Variants in ABHD18 observed in about 807,000 individuals in gnomAD.
The protein encoded by ABHD18 is cardiolipin-specific deacylase, mitochondrial.
Under a neutral mutation model 65.9 loss-of-function variants are expected in ABHD18, and 55 were observed. That is an observed-to-expected ratio of 0.84 (90% CI 0.67 to 1.05). ABHD18 has a LOEUF of 1.05. ABHD18 is among the 50% of genes least tolerant of loss of function. The pLI is 0.00. For missense variants in ABHD18, 533 were observed against 558.5 expected, an observed-to-expected ratio of 0.95 and a Z score of 0.46; for synonymous variants, 181 against 180.2, an observed-to-expected ratio of 1.00 and a Z score of -0.04.
chr4:128,030,921 C>A, intron 12 of ABHD18: 1 of 1,162,402 alleles, frequency 8.6e-7, no homozygotes, highest in East Asian at 4.4e-5. Context: ...TTCCCCTCTT[C>A]AAATATTAAT....
At chr4:127,966,840 A>C (rs1199691383) in intron 1 of ABHD18, among the ~76,000 whole-genome samples, 1 of 147,662 alleles carries the variant, frequency 6.8e-6, no homozygotes, top group Non-Finnish European at 1.5e-5. Flanking sequence ...AGCCGAGATC[A>C]CGCCACTGCA....
At chr4:127,984,221 T>C (rs1236616811) in intron 2 of ABHD18, 118 bp from the exon 3 acceptor site, 5 of 531,588 alleles carry the variant, frequency 9.4e-6, no homozygotes, top group South Asian at 3.9e-5. Flanking sequence ...AATTTTAATA[T>C]GGCTTATGAA....
intron 8 of ABHD18, 25 bp downstream of exon 8, chr4:128,017,526 A>G (rs374899149): frequency 6.4e-7 from 1 of 1,568,872 alleles, no homozygotes; most frequent in Non-Finnish European, 8.6e-7. Context: ...TTCTGCTTAC[A>G]TTTAATTATG....
chr4:128,025,983 T>C (rs1200215846), intron 10 of ABHD18, among the ~76,000 whole-genome samples: 1 of 152,028 alleles, frequency 6.6e-6, no homozygotes, highest in Non-Finnish European at 1.5e-5. Context: ...TGAAACCCCG[T>C]CTCTATTAAG....
rs869099600 is a variant in ABHD18 at position 128,033,524 on chromosome 4, C to CTTTTTTTTTTTTTTTTTT, written c.1344-2235_1344-2218dup. On this transcript the variant is annotated intron_variant, in intron 12 of 12. Coordinates refer to ENST00000645843, the MANE Select transcript of ABHD18 (RefSeq NM_001358451.3). Reference sequence around the variant, plus strand: ...GCAGGCTATCAGTTTCAAAGATAGTCTTTTTTTTTTTTTTTTTTTTGTCTT... The same window carrying CTTTTTTTTTTTTTTTTTT: ...GCAGGCTATCAGTTTCAAAGATAGTCTTTTTTTTTTTTTTTTTTTTTTTTTTTTTTTTTTTTTTGTCTT... Among the ~76,000 whole-genome samples, 31 of 108,630 alleles carry CTTTTTTTTTTTTTTTTTT rather than the reference C, an allele frequency of 2.9e-4. 1 individual carries two copies. Among genetic ancestry groups the CTTTTTTTTTTTTTTTTTT allele is most frequent in the East Asian group, 1.0e-3 (3 of 2,988 alleles). The allele number at this position is 108,630 out of a possible 152,430, so 71.3% of individuals were successfully genotyped here. A position where few individuals can be genotyped will look rare whatever the true frequency, so the allele number is the denominator to read the frequency against.
intron 1 of ABHD18, among the ~76,000 whole-genome samples, chr4:127,979,642 G>A (rs1399661852): frequency 3.3e-5 from 5 of 152,262 alleles, no homozygotes; most frequent in East Asian, 1.9e-4. Context: ...GCGGCCGGGC[G>A]CAGTGGCTCA....
At chr4:128,024,572 T>A (rs573754338) in intron 10 of ABHD18, among the ~76,000 whole-genome samples, 1 of 152,230 alleles carries the variant, frequency 6.6e-6, no homozygotes, top group Non-Finnish European at 1.5e-5. Flanking sequence ...CCACTCTGAG[T>A]AATTCGGGGA....
At chr4:127,970,841 AAGG>A (rs899536770) in intron 1 of ABHD18, among the ~76,000 whole-genome samples, 1 of 151,902 alleles carries the variant, frequency 6.6e-6, no homozygotes, top group Non-Finnish European at 1.5e-5. Context: ...TTGGGAGGCC[AAGG>A]TGTGTGGATC....
chr4:128,008,885 GA>G, intron 4 of ABHD18, 34 bp from the exon 5 acceptor site: 1 of 1,468,682 alleles, frequency 6.8e-7, no homozygotes, highest in Non-Finnish European at 9.2e-7. Context: ...CCTTTAAAGA[GA>G]ATTTTATTGA....
intron 1 of ABHD18, among the ~76,000 whole-genome samples, chr4:127,978,157 A>G (rs1217075869): frequency 1.3e-5 from 2 of 152,084 alleles, no homozygotes; most frequent in African/African-American, 4.8e-5. Context: ...GAAATTTAAA[A>G]CAATATAGAT....
chr4:128,002,725 G>C (rs7441217), intron 4 of ABHD18, among the ~76,000 whole-genome samples: 113,516 of 151,942 alleles, frequency 0.75, 42,629 homozygotes, highest in Middle Eastern at 0.85. Context: ...CTCACGACAA[G>C]CCCTGTCTCC....
intron 7 of ABHD18, among the ~76,000 whole-genome samples, chr4:128,015,967 T>G (rs75860355): frequency 6.7e-6 from 1 of 149,446 alleles, no homozygotes. Context: ...TTTTTTTTTT[T>G]TTTGAGATGG....
In ABHD18 at chr4:128,037,912, T is replaced by TA. The variant is rs915711106; in HGVS notation, c.*2105dup. The stretch of plus-strand genomic sequence containing the variant: ...CTTCTCTAGCTGTCAGCTAAAATGT[T>TA]AAAAAAGTCGAAAATATTTTAGGGT... On this transcript the variant is annotated 3_prime_UTR_variant, in exon 13 of 13. Transcript: ENST00000645843. 1.3e-5 allele frequency: 2 copies of TA among 151,790 alleles called. No individual in the cohort carries two copies. The highest frequency in any genetic ancestry group is 2.0e-4 in the East Asian group (1 of 5,082). The allele number at this position is 151,790 out of a possible 1,614,324, so 9.4% of individuals were successfully genotyped here.
chr4:127,970,676 T>C (rs1183667178), intron 1 of ABHD18, among the ~76,000 whole-genome samples: 1 of 151,626 alleles, frequency 6.6e-6, no homozygotes, highest in East Asian at 1.9e-4. Flanking sequence ...GTGCAGTTGC[T>C]CATGCCTGTA....
intron 4 of ABHD18, among the ~76,000 whole-genome samples, chr4:127,990,086 AT>A (rs1305897230): frequency 1.3e-5 from 2 of 152,242 alleles, no homozygotes; most frequent in Non-Finnish European, 2.9e-5. Flanking sequence ...TGTGGATACC[AT>A]TAGTAACATG....
chr4:128,007,830 T>A (rs1273573052), intron 4 of ABHD18, among the ~76,000 whole-genome samples: 2 of 152,030 alleles, frequency 1.3e-5, no homozygotes, highest in African/African-American at 4.8e-5. Context: ...CTTGTAAGTA[T>A]CAACATCTTA....
At chr4:127,995,843 C>T (rs1484298886) in intron 4 of ABHD18, among the ~76,000 whole-genome samples, 1 of 152,138 alleles carries the variant, frequency 6.6e-6, no homozygotes, top group East Asian at 1.9e-4. Flanking sequence ...GTTCTCTACT[C>T]ATTCTAAAAA....
chr4:127,990,733 A>G (rs1274656768), intron 4 of ABHD18, among the ~76,000 whole-genome samples: 4 of 152,190 alleles, frequency 2.6e-5, no homozygotes, highest in Non-Finnish European at 5.9e-5. Context: ...TGTAATTAGC[A>G]TATCAGTTTG....
chr4:128,018,858 AC>A (rs1755973188), intron 8 of ABHD18, among the ~76,000 whole-genome samples: 1 of 151,992 alleles, frequency 6.6e-6, no homozygotes, highest in Non-Finnish European at 1.5e-5. Context: ...TACTAAAAAT[AC>A]AAAAACTAGC....
Sources: gnomAD v4.1 joint callset for allele counts (sites outside exome capture counted in the v4.1 genomes callset) on GRCh38, gnomAD v4.1.1 for gene constraint, MANE v1.5 for transcripts, NCBI Gene and HGNC (gene_info 2026-07-23, HGNC 2026-07-21) for gene names.